Variants in HSD17B6 observed in about 807,000 individuals in gnomAD.
HSD17B6 encodes the protein hydroxysteroid 17-beta dehydrogenase 6.
A neutral mutation model predicts 26.4 loss-of-function variants in HSD17B6; 16 were observed. That is an observed-to-expected ratio of 0.61 (90% confidence interval 0.41 to 0.92). The LOEUF is 0.92. HSD17B6 is among the 40% of genes least tolerant of loss of function. The pLI is 0.00. For missense variants in HSD17B6, 357 were observed against 386.1 expected (o/e 0.92, Z 0.63); for synonymous variants, 139 against 153.0 (o/e 0.91, Z 0.68).
chr12:56,779,546 C>T (rs1227722317), intron 2 of HSD17B6, among the ~76,000 whole-genome samples: 1 of 151,970 alleles, frequency 6.6e-6, no homozygotes, highest in African/African-American at 2.4e-5. Context: ...ATTTTTATTC[C>T]ACTTTTTCCA....
chr12:56,772,102 T>G (rs1225987231), intron 1 of HSD17B6, among the ~76,000 whole-genome samples: 1 of 152,188 alleles, frequency 6.6e-6, no homozygotes, highest in Non-Finnish European at 1.5e-5. Context: ...TCTTTATAGC[T>G]GTGTGAAAAC....
At chr12:56,765,189 C>T (rs1216809369) in intron 1 of HSD17B6, among the ~76,000 whole-genome samples, 1 of 151,946 alleles carries the variant, frequency 6.6e-6, no homozygotes, top group Non-Finnish European at 1.5e-5. Context: ...GTAATCCCAG[C>T]ACTTTGGGAG....
intron 3 of HSD17B6, among the ~76,000 whole-genome samples, chr12:56,782,813 G>A (rs1954755359): frequency 6.6e-6 from 1 of 151,986 alleles, no homozygotes; most frequent in Non-Finnish European, 1.5e-5. Flanking sequence ...TGTGTCCCTG[G>A]GTACTTGAGA....
intron 4 of HSD17B6, chr12:56,785,865 A>G (rs1954862779): frequency 5.4e-6 from 4 of 744,858 alleles, no homozygotes; most frequent in African/African-American, 1.9e-5. Context: ...GCAGAGCCCT[A>G]TGGGCCATTC....
chr12:56,782,895 C>T (rs1237709380), intron 3 of HSD17B6, among the ~76,000 whole-genome samples: 2 of 151,676 alleles, frequency 1.3e-5, no homozygotes, highest in South Asian at 2.1e-4. Context: ...CATCTTGCAC[C>T]GCCCTTAATC....
intron 2 of HSD17B6, among the ~76,000 whole-genome samples, chr12:56,779,681 C>G (rs763597948): frequency 5.3e-5 from 8 of 152,104 alleles, no homozygotes; most frequent in Non-Finnish European, 1.2e-4. Context: ...ATCCAAGGCC[C>G]TCAGAACACT....
rs1954537523 is a variant in HSD17B6 at position 56,774,030 on chromosome 12, T to C, written c.178T>C (p.Cys60Arg). 3 of 1,613,968 alleles carry C rather than the reference T, an allele frequency of 1.9e-6. No individual in the cohort carries two copies. Among genetic ancestry groups the C allele is most frequent in the African/African-American group, 1.3e-5 (1 of 74,894 alleles). The change falls in exon 2 of 5, where the codon TGT (cysteine) becomes CGT (arginine). Residue 60 changes from cysteine to arginine, a missense_variant. Transcript: ENST00000322165. ...ACGAGGCTTGAGAGTGCTGGCTGCG[T>C]GTCTGACGGAGAAGGGGGCCGAGCA... is the stretch of plus-strand genomic sequence containing the variant. ...DARGLRVLAA[C>R]LTEKGAEQLR...
intron 3 of HSD17B6, 100 bp downstream of exon 3, chr12:56,782,332 C>A: frequency 9.2e-7 from 1 of 1,081,082 alleles, no homozygotes; most frequent in Non-Finnish European, 1.3e-6. Flanking sequence ...CTCCTCAAAT[C>A]TTGATACATA....
intron 3 of HSD17B6, 60 bp downstream of exon 3, chr12:56,782,292 C>T: frequency 6.6e-7 from 1 of 1,515,268 alleles, no homozygotes; most frequent in South Asian, 1.2e-5. Context: ...AGGCATTGTG[C>T]TAGTTGCTTT....
chr12:56,768,457 T>C (rs756014078), intron 1 of HSD17B6, among the ~76,000 whole-genome samples: 2 of 151,880 alleles, frequency 1.3e-5, no homozygotes, highest in Non-Finnish European at 2.9e-5. Context: ...TTAGGGAGGA[T>C]GAAAGGCAGA....
At chr12:56,767,011 T>C (rs1954343634) in intron 1 of HSD17B6, among the ~76,000 whole-genome samples, 1 of 152,070 alleles carries the variant, frequency 6.6e-6, no homozygotes, top group Non-Finnish European at 1.5e-5. Flanking sequence ...TTTTGTATTT[T>C]TAGTAGAGAT....
At chr12:56,782,394 C>G (rs566827869) in intron 3 of HSD17B6, among the ~76,000 whole-genome samples, 162 bp downstream of exon 3, 1 of 152,352 alleles carries the variant, frequency 6.6e-6, no homozygotes, top group East Asian at 1.9e-4. Context: ...ATTTTCTCAT[C>G]TGTCCCAGAG....
chr12:56,767,722 C>T (rs556420678), intron 1 of HSD17B6, among the ~76,000 whole-genome samples: 2 of 141,388 alleles, frequency 1.4e-5, no homozygotes, highest in African/African-American at 2.6e-5. Flanking sequence ...TATATACACA[C>T]ATATATAATA....
chr12:56,773,809 T>C (rs745898943), intron 1 of HSD17B6, 25 bp from the exon 2 acceptor site: 45 of 1,507,432 alleles, frequency 3.0e-5, no homozygotes, highest in Non-Finnish European at 3.8e-5. Context: ...AAGGAAGGAA[T>C]AAAATGTTTT....
intron 2 of HSD17B6, among the ~76,000 whole-genome samples, chr12:56,775,880 C>G (rs1225069019): frequency 6.6e-6 from 1 of 152,182 alleles, no homozygotes; most frequent in Non-Finnish European, 1.5e-5. Flanking sequence ...AACCACTGCT[C>G]TTTTTACTGT....
intron 3 of HSD17B6, among the ~76,000 whole-genome samples, chr12:56,783,373 C>T (rs1592374668): frequency 7.6e-6 from 1 of 130,738 alleles, no homozygotes; most frequent in Non-Finnish European, 1.6e-5. Context: ...GGCTGAGCCC[C>T]CCACCTCCCT....
intron 3 of HSD17B6, among the ~76,000 whole-genome samples, chr12:56,782,705 G>A (rs144586092): frequency 3.4e-5 from 5 of 146,894 alleles, no homozygotes; most frequent in Non-Finnish European, 7.5e-5. Context: ...GGTGTTTCTC[G>A]CAGAGGGGGA....
Position 56,782,113 on chromosome 12 carries a change from G to T in HSD17B6, c.453G>T (p.Leu151Phe). 1 of 1,614,150 alleles carries T rather than the reference G, an allele frequency of 6.2e-7. No homozygotes were observed. Among genetic ancestry groups the T allele is most frequent in the African/African-American group, 1.3e-5 (1 of 75,028 alleles). ...AGGTGACCTTGAGCATGCTTCCTTT[G>T]GTGAGGAGAGCACGGGGAAGAATTG... ...VIQVTLSMLP[L>F]VRRARGRIVN... The change falls in exon 3 of 5, where the codon TTG becomes TTT. Residue 151 changes from leucine (L) to phenylalanine (F), a missense_variant. Transcript: ENST00000322165.
At position 56,787,412 on chromosome 12, in the gene HSD17B6, A is replaced by G. The variant is rs1364648838; in HGVS notation, c.*70A>G. The G allele has an allele frequency of 2.0e-6, 2 of 989,656 alleles. No individual in the cohort carries two copies. Among genetic ancestry groups the G allele is most frequent in the African/African-American group, 3.2e-5 (2 of 61,554 alleles). The allele number at this position is 989,656 out of a possible 1,614,324, so 61.3% of individuals were successfully genotyped here. ...AATTGTTAGTGTCTCAGTAATCCTG[A>G]TTTAGAACCCAGGCTTTTTGTAACA... On this transcript the variant is annotated 3_prime_UTR_variant, in exon 5 of 5. Coordinates refer to ENST00000322165, the MANE Select transcript of HSD17B6 (RefSeq NM_003725.4).
Sources: allele counts gnomAD v4.1 joint callset (sites outside exome capture counted in the v4.1 genomes callset), GRCh38; gene constraint gnomAD v4.1.1; transcripts MANE v1.5; gene names NCBI Gene and HGNC (gene_info 2026-07-23, HGNC 2026-07-21).